The following UHRF2 variants were observed in gnomAD, a reference collection of about 807,000 sequenced individuals.
The protein encoded by UHRF2 is ubiquitin like with PHD and ring finger domains 2, also known as E3 ubiquitin-protein ligase UHRF2.
Under a neutral mutation model 96.8 loss-of-function variants are expected in UHRF2, and 23 were observed. The observed-to-expected ratio is 0.24, with a 90% confidence interval of 0.17 to 0.34. UHRF2 has a LOEUF of 0.34. Among genes scored for constraint, UHRF2 ranks in the 10% least tolerant of loss-of-function variants. The probability of loss-of-function intolerance (pLI) is 1.00; values close to 1 mark genes in which losing one functional copy is unlikely to be tolerated. For synonymous variants in UHRF2, 385 were observed against 332.6 expected, an observed-to-expected ratio of 1.16 and a Z score of -1.72; for missense variants, 685 against 981.5, an observed-to-expected ratio of 0.70 and a Z score of 4.04.
At position 6,445,981 on chromosome 9, in the gene UHRF2, C is replaced by CTTTGTTTTTTTTTTTTTTTTT. The variant is rs751155835; in HGVS notation, c.644+11811_644+11812insGTTTTTTTTTTTTTTTTTTTT. Among the ~76,000 whole-genome samples, 12 of 78,904 alleles carry CTTTGTTTTTTTTTTTTTTTTT rather than the reference C, an allele frequency of 1.5e-4. 1 individual carries two copies. Among genetic ancestry groups the CTTTGTTTTTTTTTTTTTTTTT allele is most frequent in the Admixed American group, 4.9e-4 (3 of 6,160 alleles). 51.8% of individuals were successfully genotyped at this position (78,904 alleles called of 152,430 possible). On this transcript the variant is annotated intron_variant, in intron 3 of 15. Coordinates refer to ENST00000276893, the MANE Select transcript of UHRF2 (RefSeq NM_152896.3). ...TAAATACTCTTCCCCCCCCGCCACC[C>CTTTGTTTTTTTTTTTTTTTTT]TTTTTTTTTTTTTTTTTTTCCTGTT...
intron 9 of UHRF2, among the ~76,000 whole-genome samples, chr9:6,487,476 C>A (rs962235240): frequency 2.6e-5 from 4 of 152,190 alleles, no homozygotes; most frequent in Non-Finnish European, 5.9e-5. Flanking sequence ...AAGCGATTCT[C>A]CTGCCTCCAC....
At chr9:6,421,204 G>C in intron 2 of UHRF2, 62 bp downstream of exon 2, 1 of 1,296,262 alleles carries the variant, frequency 7.7e-7, no homozygotes, top group South Asian at 1.4e-5. Context: ...TTCTGTTCAG[G>C]ATGTTTTGAA....
At chr9:6,488,349 G>A (rs1824439399) in intron 9 of UHRF2, among the ~76,000 whole-genome samples, 1 of 133,136 alleles carries the variant, frequency 7.5e-6, no homozygotes, top group Admixed American at 8.4e-5. Context: ...GTTTCTCCCA[G>A]TGGTGACATC....
intron 5 of UHRF2, among the ~76,000 whole-genome samples, chr9:6,476,740 A>G (rs924938896): frequency 1.1e-4 from 17 of 151,950 alleles, no homozygotes; most frequent in African/African-American, 4.1e-4. Flanking sequence ...GATTACAGGC[A>G]CCCACCACCA....
intron 1 of UHRF2, among the ~76,000 whole-genome samples, chr9:6,414,977 T>C (rs999768811): frequency 1.3e-5 from 2 of 152,234 alleles, no homozygotes; most frequent in African/African-American, 4.8e-5. Flanking sequence ...TACATAGATT[T>C]GCTTTGCTGT....
chr9:6,486,986 G>A, intron 9 of UHRF2, 61 bp downstream of exon 9: 1 of 1,501,944 alleles, frequency 6.7e-7, no homozygotes, highest in Non-Finnish European at 9.2e-7. Context: ...AAATAGAATA[G>A]CTTTGCCTAG....
intron 3 of UHRF2, among the ~76,000 whole-genome samples, chr9:6,440,403 A>G (rs961633805): frequency 3.3e-5 from 5 of 152,216 alleles, no homozygotes; most frequent in African/African-American, 1.2e-4. Context: ...CAAGGGTCAC[A>G]TCTATTAAAC....
intron 9 of UHRF2, chr9:6,492,465 T>A (rs1005106146): frequency 2.9e-6 from 2 of 689,712 alleles, no homozygotes; most frequent in Non-Finnish European, 3.6e-6. Flanking sequence ...CGTAATACCT[T>A]GTTTAAAAAA....
At chr9:6,448,086 A>T (rs181999825) in intron 3 of UHRF2, among the ~76,000 whole-genome samples, 9 of 152,346 alleles carry the variant, frequency 5.9e-5, no homozygotes, top group African/African-American at 2.2e-4. Flanking sequence ...ACCAGGCGTA[A>T]AGCCTACAAA....
intron 2 of UHRF2, among the ~76,000 whole-genome samples, chr9:6,428,383 TC>T (rs2130748701): frequency 6.6e-6 from 1 of 152,238 alleles, no homozygotes; most frequent in South Asian, 2.1e-4. Flanking sequence ...TACCCAGACT[TC>T]TATGGTAATC....
chr9:6,431,789 A>G (rs1820575353), intron 2 of UHRF2, among the ~76,000 whole-genome samples: 1 of 152,196 alleles, frequency 6.6e-6, no homozygotes, highest in African/African-American at 2.4e-5. Context: ...TACATTTGAT[A>G]GGCAAATTCA....
At chr9:6,420,761 A>T in intron 1 of UHRF2, 151 bp from the exon 2 acceptor site, 4 of 614,566 alleles carry the variant, frequency 6.5e-6, no homozygotes, top group Non-Finnish European at 1.1e-5. Flanking sequence ...GAAGACACTG[A>T]CATCAGAGGC....
Position 6,493,069 on chromosome 9 carries a change from G to A in UHRF2, c.1498-757G>A, listed in dbSNP as rs542421017. Among the ~76,000 whole-genome samples the A allele has an allele frequency of 8.2e-4, 125 of 152,106 alleles. 1 individual carries two copies. The highest frequency in any genetic ancestry group is 3.3e-4 in the Admixed American group (5 of 15,276). ...TCCCAGCACTTTGGGAGGCCAAGGC[G>A]GGTGGATCACTTGAGACCGGGAGTT... On this transcript the variant is annotated intron_variant, in intron 9 of 15. Coordinates refer to ENST00000276893, the MANE Select transcript of UHRF2 (RefSeq NM_152896.3).
chr9:6,422,535 T>C, intron 2 of UHRF2: 1 of 445,570 alleles, frequency 2.2e-6, no homozygotes, highest in Non-Finnish European at 4.2e-6. Flanking sequence ...ATAGATCAGC[T>C]TGGAGAATCG....
rs145148945 is a variant in UHRF2 at position 6,485,543 on chromosome 9, AC to A, written c.1393-1276del. 2.2e-3 allele frequency among the ~76,000 whole-genome samples: 334 copies of A among 151,490 alleles called. 8 individuals carry two copies. In the East Asian group the frequency reaches 0.053, roughly 24 times the overall value. ...CTGCTGAGGTGTTTCAAAAGCCAAAACCTTTCCAGGTTCTGTTGCTGTCACC... is the reference window on the plus strand; with the variant it reads ...CTGCTGAGGTGTTTCAAAAGCCAAAACTTTCCAGGTTCTGTTGCTGTCACC... On this transcript the variant is annotated intron_variant, in intron 8 of 15. Coordinates refer to ENST00000276893, the MANE Select transcript of UHRF2 (RefSeq NM_152896.3).
At position 6,506,421 on chromosome 9, in the gene UHRF2, G is replaced by A. The variant is rs1429572252; in HGVS notation, c.*242G>A. On this transcript the variant is annotated 3_prime_UTR_variant, in exon 16 of 16. Transcript: ENST00000276893. Reference sequence around the variant, plus strand: ...TAATGAGTAAAAAGTCAAAGCCTCAGCTCTAGTTGATATCCAAGTTATGAT... The same window carrying A: ...TAATGAGTAAAAAGTCAAAGCCTCAACTCTAGTTGATATCCAAGTTATGAT... 3 of 344,854 alleles carry A rather than the reference G, an allele frequency of 8.7e-6. No individual in the cohort carries two copies. Among genetic ancestry groups the A allele is most frequent in the Non-Finnish European group, 1.5e-5 (3 of 194,650 alleles). 21.4% of individuals were successfully genotyped at this position (344,854 alleles called of 1,614,324 possible). A position where few individuals can be genotyped will look rare whatever the true frequency, so the allele number is the denominator to read the frequency against.
intron 4 of UHRF2, among the ~76,000 whole-genome samples, chr9:6,474,051 A>T (rs1038542873): frequency 6.6e-6 from 1 of 152,202 alleles, no homozygotes; most frequent in African/African-American, 2.4e-5. Context: ...GGAGGTAGAC[A>T]AGTGACATGA....
At chr9:6,433,722 A>G (rs932578535) in intron 2 of UHRF2, among the ~76,000 whole-genome samples, 192 bp from the exon 3 acceptor site, 11 of 152,238 alleles carry the variant, frequency 7.2e-5, no homozygotes, top group South Asian at 6.2e-4. Context: ...GTTAGTTTTC[A>G]TCTTAGTCAA....
intron 8 of UHRF2, among the ~76,000 whole-genome samples, chr9:6,486,504 G>C (rs965955741): frequency 4.3e-4 from 65 of 152,222 alleles, no homozygotes; most frequent in Non-Finnish European, 1.0e-4. Context: ...AGTTGAGCTG[G>C]AAGTTCCAAT....
Sources: allele counts gnomAD v4.1 joint callset (sites outside exome capture counted in the v4.1 genomes callset), GRCh38; gene constraint gnomAD v4.1.1; transcripts MANE v1.5; gene names NCBI Gene and HGNC (gene_info 2026-07-23, HGNC 2026-07-21).